Variants in SNX27 observed in about 807,000 individuals in gnomAD.
SNX27 encodes sorting nexin 27, also known as sorting nexin-27.
Under a neutral mutation model 71.6 loss-of-function variants are expected in SNX27, and 22 were observed. The observed-to-expected ratio is 0.31, with a 90% CI of 0.22 to 0.44. SNX27 has a LOEUF of 0.44. Ranked by LOEUF, SNX27 falls within the 20% of genes least tolerant of loss-of-function variation. The pLI, the probability that SNX27 is intolerant of heterozygous loss-of-function variation, is 1.00. For synonymous variants in SNX27, 269 were observed against 277.2 expected, an observed-to-expected ratio of 0.97 and a Z score of 0.29; for missense variants, 531 against 698.6, an observed-to-expected ratio of 0.76 and a Z score of 2.70.
At chr1:151,636,992 C>G (rs1668487216) in intron 1 of SNX27, among the ~76,000 whole-genome samples, 2 of 152,046 alleles carry the variant, frequency 1.3e-5, no homozygotes, top group Non-Finnish European at 2.9e-5. Flanking sequence ...CTTATTGTCT[C>G]CATTTACACA....
At chr1:151,675,200 A>G (rs1296191580) in intron 7 of SNX27, among the ~76,000 whole-genome samples, 1 of 151,538 alleles carries the variant, frequency 6.6e-6, no homozygotes, top group African/African-American at 2.4e-5. Context: ...TCCGTGTTCC[A>G]GATTACAAAA....
Position 151,692,865 on chromosome 1 carries a change from C to T in SNX27, c.1390-46C>T, listed in dbSNP as rs201069394. 9.3e-6 allele frequency: 15 copies of T among 1,612,448 alleles called. No individual in the cohort carries two copies. In the African/African-American group the frequency reaches 2.0e-4, roughly 22 times the overall value. ...AACCCCCTACCTCAGTTCCCCAGCA[C>T]TCTGAAACACAGACTGTACCTTACT... On this transcript the variant is annotated intron_variant, in intron 9 of 11. Transcript: ENST00000458013.
chr1:151,630,244 A>G (rs1668162809), intron 1 of SNX27, among the ~76,000 whole-genome samples: 1 of 152,100 alleles, frequency 6.6e-6, no homozygotes, highest in Non-Finnish European at 1.5e-5. Context: ...TTGCCTTAGG[A>G]TAAATTCTCA....
In SNX27 at chr1:151,695,436, T is replaced by C. The variant is rs563930698; in HGVS notation, c.*1019T>C. ...TTTTTTTTTTTTTTTTTTTTTTTTT[T>C]CTGAGACAGGGTCTTACTCTGTCGC... is the stretch of plus-strand genomic sequence containing the variant. On this transcript the variant is annotated 3_prime_UTR_variant, in exon 12 of 12. Coordinates refer to ENST00000458013, the MANE Select transcript of SNX27 (RefSeq NM_001330723.2). The C allele has an allele frequency of 1.2e-4, 18 of 145,928 alleles. No homozygotes were observed. In the East Asian group the frequency reaches 2.8e-3, roughly 22 times the overall value. 9.0% of individuals were successfully genotyped at this position (145,928 alleles called of 1,614,324 possible). A position where few individuals can be genotyped will look rare whatever the true frequency, so the allele number is the denominator to read the frequency against.
intron 1 of SNX27, among the ~76,000 whole-genome samples, chr1:151,629,791 C>T (rs1042579405): frequency 1.3e-5 from 2 of 151,714 alleles, no homozygotes; most frequent in African/African-American, 4.8e-5. Flanking sequence ...GTTGGCCAGG[C>T]TGGCCTTAAA....
chr1:151,667,445 C>T (rs904145912), intron 6 of SNX27, among the ~76,000 whole-genome samples: 3 of 152,128 alleles, frequency 2.0e-5, no homozygotes, highest in African/African-American at 4.8e-5. Context: ...ACCTTTTGGC[C>T]TTAACAATAA....
intron 1 of SNX27, among the ~76,000 whole-genome samples, chr1:151,631,861 A>G (rs1473572440): frequency 2.0e-5 from 3 of 152,098 alleles, no homozygotes; most frequent in African/African-American, 7.2e-5. Flanking sequence ...TTTTTTGTAA[A>G]GGCGGAGTCC....
rs370865331 is a variant in SNX27 at position 151,660,773 on chromosome 1, C to T, written c.737-25C>T. The T allele has an allele frequency of 1.0e-5, 16 of 1,583,022 alleles. No homozygotes were observed. In the African/African-American group the frequency reaches 2.0e-4, roughly 20 times the overall value. On this transcript the variant is annotated intron_variant, in intron 3 of 11. Coordinates refer to ENST00000458013, the MANE Select transcript of SNX27 (RefSeq NM_001330723.2). ...TATTCTTGATTTTAAGGCCTTATGC[C>T]AGATTTTATCTTTATTTTCTACAGT...
rs1671834268 is a variant in SNX27, at chr1:151,697,665, A to T, written c.*3248A>T. 1.3e-5 allele frequency: 2 copies of T among 152,866 alleles called. No homozygotes were observed. Among genetic ancestry groups the T allele is most frequent in the Admixed American group, 1.3e-4 (2 of 15,284 alleles). 9.5% of individuals were successfully genotyped at this position (152,866 alleles called of 1,614,324 possible). On this transcript the variant is annotated 3_prime_UTR_variant, in exon 12 of 12. Transcript: ENST00000458013. ...CCCATAGGATCAAGCCCTTCTTTGC[A>T]TGAAGCAGTGTTGTGACTCTTCTCT...
chr1:151,642,932 G>T (rs190764571), intron 2 of SNX27, among the ~76,000 whole-genome samples: 1 of 151,458 alleles, frequency 6.6e-6, no homozygotes, highest in Non-Finnish European at 1.5e-5. Flanking sequence ...GAGCCACCGC[G>T]CCCTGCCTAT....
At chr1:151,684,598 T>C (rs77931217) in intron 8 of SNX27, among the ~76,000 whole-genome samples, 4,769 of 152,324 alleles carry the variant, frequency 0.031, 284 homozygotes, top group African/African-American at 0.11. Context: ...TTGAAGTTTT[T>C]TCAATTATAC....
chr1:151,632,874 A>G (rs2102621611), intron 1 of SNX27, among the ~76,000 whole-genome samples: 1 of 151,186 alleles, frequency 6.6e-6, no homozygotes, highest in African/African-American at 2.4e-5. Flanking sequence ...ATTTATTTTT[A>G]TTTTTTATTT....
In SNX27 at chr1:151,661,015, C is replaced by T. The variant is rs1011261817; in HGVS notation, c.801+153C>T. The T allele has an allele frequency of 1.3e-4, 78 of 581,884 alleles. No individual in the cohort carries two copies. In the African/African-American group the frequency reaches 1.4e-3, roughly 10 times the overall value. The allele number at this position is 581,884 out of a possible 1,614,324, so 36.0% of individuals were successfully genotyped here. A position where few individuals can be genotyped will look rare whatever the true frequency, so the allele number is the denominator to read the frequency against. On this transcript the variant is annotated intron_variant, in intron 4 of 11. Transcript: ENST00000458013. Reference sequence around the variant, plus strand: ...TTTTATATGTATCCTACTTATCTATCCTTTAAGACCTAGGTCCACTTTCTC... The same window carrying T: ...TTTTATATGTATCCTACTTATCTATTCTTTAAGACCTAGGTCCACTTTCTC...
chr1:151,620,047 T>G (rs1466438785), intron 1 of SNX27, among the ~76,000 whole-genome samples: 1 of 152,122 alleles, frequency 6.6e-6, no homozygotes, highest in Non-Finnish European at 1.5e-5. Context: ...AAATAAAACT[T>G]CAGAGAAGGG....
chr1:151,664,343 A>G (rs1670101013), intron 5 of SNX27, among the ~76,000 whole-genome samples: 1 of 151,798 alleles, frequency 6.6e-6, no homozygotes, highest in African/African-American at 2.4e-5. Flanking sequence ...TCTTTGGCCA[A>G]TGAATGCTCC....
chr1:151,654,386 T>C (rs1313565987), intron 2 of SNX27, among the ~76,000 whole-genome samples: 1 of 152,118 alleles, frequency 6.6e-6, no homozygotes, highest in African/African-American at 2.4e-5. Context: ...GCCTTGTATC[T>C]GTGGTTAGTC....
chr1:151,643,674 T>G (rs564777870), intron 2 of SNX27, among the ~76,000 whole-genome samples: 1 of 151,854 alleles, frequency 6.6e-6, no homozygotes, highest in South Asian at 2.1e-4. Flanking sequence ...ATTTTTTTAT[T>G]TTTTAGACAG....
chr1:151,666,816 C>T (rs189888360), intron 6 of SNX27: 66 of 152,290 alleles, frequency 4.3e-4, no homozygotes, highest in African/African-American at 1.3e-3. Flanking sequence ...TTCTTCCCAA[C>T]TCACAGCAGT....
chr1:151,637,346 T>A (rs1260991640), intron 1 of SNX27, among the ~76,000 whole-genome samples: 1 of 151,834 alleles, frequency 6.6e-6, no homozygotes, highest in East Asian at 1.9e-4. Context: ...GCCCGGCTAA[T>A]TTTTTGTATT....
Sources: allele counts gnomAD v4.1 joint callset (sites outside exome capture counted in the v4.1 genomes callset), GRCh38; gene constraint gnomAD v4.1.1; transcripts MANE v1.5; gene names NCBI Gene and HGNC (gene_info 2026-07-23, HGNC 2026-07-21).